The following PTDSS1 variants were observed in gnomAD, a reference collection of about 807,000 sequenced individuals.
The protein encoded by PTDSS1 is PSS-1.
PTDSS1 carries 45 observed loss-of-function variants against 70.5 expected under a neutral mutation model. The observed-to-expected ratio is 0.64, with a 90% CI of 0.50 to 0.82. The LOEUF (loss-of-function observed/expected upper bound fraction) is 0.82, where lower values mean the gene tolerates loss of function less well. PTDSS1 is among the 40% of genes least tolerant of loss of function. The pLI, the probability that PTDSS1 is intolerant of heterozygous loss-of-function variation, is 0.00. For synonymous variants in PTDSS1, 188 were observed against 203.8 expected (o/e 0.92, Z 0.66); for missense variants, 417 against 586.1 (o/e 0.71, Z 2.98).
At chr8:96,293,276 G>A (rs781444776) in intron 4 of PTDSS1, among the ~76,000 whole-genome samples, 3 of 152,226 alleles carry the variant, frequency 2.0e-5, no homozygotes, top group East Asian at 1.9e-4. Context: ...TAGTGGCAGC[G>A]AGATGCATAA....
Position 96,295,215 on chromosome 8 carries a change from G to A in PTDSS1, c.559G>A (p.Gly187Ser), listed in dbSNP as rs202206461. ...AMKALLIRSY[G>S]LCWTISITWE... is the part of the protein sequence containing the mutation. ...GAAGGCCTTGCTGATCCGTAGTTACGGTCTCTGCTGGACAATCAGTATTAC... is the reference window on the plus strand; with the variant it reads ...GAAGGCCTTGCTGATCCGTAGTTACAGTCTCTGCTGGACAATCAGTATTAC... The change falls in exon 5 of 13, where the codon GGT (glycine) becomes AGT (serine). Residue 187 changes from glycine to serine, a missense_variant. By Grantham distance (56) the Gly-to-Ser change is moderately conservative (BLOSUM62 0). This residue lies in a region of PTDSS1 where 272 missense variants were observed against 429.5 expected (regional missense o/e 0.63). Transcript: ENST00000517309. 5.0e-6 allele frequency: 8 copies of A among 1,614,108 alleles called. No homozygotes were observed. Among genetic ancestry groups the A allele is most frequent in the East Asian group, 4.5e-5 (2 of 44,880 alleles).
chr8:96,276,976 GCGCGCACACA>G (rs1336200215), intron 2 of PTDSS1, among the ~76,000 whole-genome samples: 5 of 107,484 alleles, frequency 4.7e-5, no homozygotes, highest in African/African-American at 1.5e-4. Flanking sequence ...GCGCGCACGC[GCGCGCACACA>G]CACACACACA....
chr8:96,321,992 C>T (rs1451510804), intron 10 of PTDSS1, among the ~76,000 whole-genome samples: 2 of 152,146 alleles, frequency 1.3e-5, no homozygotes, highest in South Asian at 2.1e-4. Flanking sequence ...CTGGCCTGTG[C>T]ACCTCAAGTC....
At chr8:96,269,844 C>T (rs1810539807) in intron 1 of PTDSS1, among the ~76,000 whole-genome samples, 1 of 152,186 alleles carries the variant, frequency 6.6e-6, no homozygotes, top group South Asian at 2.1e-4. Context: ...AGAGTCCCTA[C>T]CCAATGATAG....
chr8:96,321,694 T>C (rs1442745759), intron 10 of PTDSS1, among the ~76,000 whole-genome samples: 12 of 152,226 alleles, frequency 7.9e-5, no homozygotes, highest in Non-Finnish European at 1.5e-4. Context: ...TTCTCTTTTT[T>C]GGCAAGACTA....
intron 1 of PTDSS1, among the ~76,000 whole-genome samples, chr8:96,264,728 T>C (rs1162826670): frequency 6.6e-6 from 1 of 152,212 alleles, no homozygotes; most frequent in Non-Finnish European, 1.5e-5. Flanking sequence ...TCTTCTGAAA[T>C]TTCCTTTTAC....
At chr8:96,327,791 G>T (rs1034074261) in intron 10 of PTDSS1, among the ~76,000 whole-genome samples, 3 of 152,120 alleles carry the variant, frequency 2.0e-5, no homozygotes, top group African/African-American at 4.8e-5. Context: ...CGCCAGCCCC[G>T]TGGTCCTGGA....
intron 9 of PTDSS1, among the ~76,000 whole-genome samples, chr8:96,310,851 C>T (rs976361583): frequency 4.0e-5 from 6 of 151,878 alleles, no homozygotes; most frequent in South Asian, 4.2e-4. Flanking sequence ...CTGCAACCTC[C>T]GCCTCCCAGG....
intron 5 of PTDSS1, 76 bp from the exon 6 acceptor site, chr8:96,299,618 A>G: frequency 7.1e-7 from 1 of 1,403,962 alleles, no homozygotes; most frequent in Non-Finnish European, 9.6e-7. Flanking sequence ...ATGTATTGTT[A>G]AAAAGGAAAT....
chr8:96,325,683 A>G (rs751638505), intron 10 of PTDSS1, among the ~76,000 whole-genome samples: 1 of 152,156 alleles, frequency 6.6e-6, no homozygotes, highest in Non-Finnish European at 1.5e-5. Flanking sequence ...CTGCTGTCAA[A>G]ATGATCTTCC....
intron 8 of PTDSS1, among the ~76,000 whole-genome samples, chr8:96,308,009 T>C (rs146921807): frequency 4.6e-5 from 7 of 152,284 alleles, no homozygotes; most frequent in African/African-American, 1.4e-4. Context: ...GCAGTTCCCA[T>C]GTAAGGAGTT....
At chr8:96,329,501 G>T (rs1811483358) in intron 10 of PTDSS1, among the ~76,000 whole-genome samples, 1 of 152,138 alleles carries the variant, frequency 6.6e-6, no homozygotes, top group Non-Finnish European at 1.5e-5. Flanking sequence ...CTTAAATTAG[G>T]GTATAATTTA....
intron 9 of PTDSS1, among the ~76,000 whole-genome samples, chr8:96,310,190 G>A (rs1264083221): frequency 7.3e-6 from 1 of 136,748 alleles, no homozygotes. Flanking sequence ...TTTTTGAGAT[G>A]GAGTCTCACT....
In PTDSS1 at chr8:96,320,418, G is replaced by A. The variant is rs543402233; in HGVS notation, c.1173+73G>A. Reference sequence around the variant, plus strand: ...ATCACTTTAAACGGAGGGGGGCAAAGAAACCCTCTTGTGTATCAAAGTTCC... The same window carrying A: ...ATCACTTTAAACGGAGGGGGGCAAAAAAACCCTCTTGTGTATCAAAGTTCC... On this transcript the variant is annotated intron_variant, in intron 10 of 12. Transcript: ENST00000517309. The A allele has an allele frequency of 2.7e-4, 357 of 1,308,458 alleles. 5 individuals are homozygous for A. In the South Asian group the frequency reaches 4.3e-3, roughly 16 times the overall value. 81.1% of individuals were successfully genotyped at this position (1,308,458 alleles called of 1,614,324 possible).
At chr8:96,273,451 A>G (rs1388282352) in intron 2 of PTDSS1, 61 bp downstream of exon 2, 1 of 1,243,366 alleles carries the variant, frequency 8.0e-7, no homozygotes, top group East Asian at 2.4e-5. Flanking sequence ...TTTTTTTGAG[A>G]TGTGAGTCAT....
intron 6 of PTDSS1, among the ~76,000 whole-genome samples, chr8:96,300,127 G>T (rs1387509877): frequency 6.6e-6 from 1 of 151,784 alleles, no homozygotes; most frequent in African/African-American, 2.4e-5. Flanking sequence ...TTTTTATCCC[G>T]ACTGCCTCAG....
chr8:96,317,801 C>T (rs1460718460), intron 9 of PTDSS1, among the ~76,000 whole-genome samples: 2 of 150,952 alleles, frequency 1.3e-5, no homozygotes, highest in African/African-American at 2.4e-5. Flanking sequence ...GGGTTCTGGC[C>T]AGTATTTTCT....
At chr8:96,309,967 A>T (rs560583420) in intron 9 of PTDSS1, among the ~76,000 whole-genome samples, 2 of 151,868 alleles carry the variant, frequency 1.3e-5, no homozygotes, top group African/African-American at 4.8e-5. Flanking sequence ...ATTCGAGACT[A>T]ACCTGGTCAA....
Position 96,287,004 on chromosome 8 carries a change from T to G in PTDSS1, c.317-18T>G, listed in dbSNP as rs1440342932. 2 of 1,613,662 alleles carry G rather than the reference T, an allele frequency of 1.2e-6. No homozygotes were observed. On this transcript the variant is annotated intron_variant, in intron 3 of 12. Coordinates refer to ENST00000517309, the MANE Select transcript of PTDSS1 (RefSeq NM_014754.3). Reference sequence around the variant, plus strand: ...ATTGGATCTCTTCTAAACTTCAGCATGTTTTTGTTTCTCTCAGGACTCAGT... The same window carrying G: ...ATTGGATCTCTTCTAAACTTCAGCAGGTTTTTGTTTCTCTCAGGACTCAGT...
Sources: gnomAD v4.1 joint callset for allele counts (sites outside exome capture counted in the v4.1 genomes callset) on GRCh38, gnomAD v4.1.1 for gene constraint, gnomAD v4.1.1 regional missense constraint, MANE v1.5 for transcripts, NCBI Gene and HGNC (gene_info 2026-07-23, HGNC 2026-07-21) for gene names.